KANSL1L: variants seen among roughly 807,000 people sequenced by gnomAD.
The protein encoded by KANSL1L is KAT8 regulatory NSL complex subunit 1-like protein.
KANSL1L carries 25 observed loss-of-function variants against 108.6 expected under a neutral mutation model. The observed-to-expected ratio is 0.23, with a 90% confidence interval of 0.17 to 0.32. The LOEUF (loss-of-function observed/expected upper bound fraction) is 0.32, where lower values mean the gene tolerates loss of function less well. Ranked by LOEUF, KANSL1L falls within the 10% of genes least tolerant of loss-of-function variation. The pLI, the probability that KANSL1L is intolerant of heterozygous loss-of-function variation, is 1.00. For synonymous variants in KANSL1L, 405 were observed against 395.1 expected (o/e 1.03, Z -0.30); for missense variants, 1,137 against 1,125.7 (o/e 1.01, Z -0.14).
At chr2:210,037,731 A>G (rs1463392762) in intron 8 of KANSL1L, among the ~76,000 whole-genome samples, 2 of 152,174 alleles carry the variant, frequency 1.3e-5, no homozygotes, top group African/African-American at 2.4e-5. Flanking sequence ...ATGTCTTTTC[A>G]TCTACATATA....
intron 5 of KANSL1L, chr2:210,096,845 A>G: frequency 1.2e-6 from 1 of 849,364 alleles, no homozygotes; most frequent in Non-Finnish European, 1.4e-6. Flanking sequence ...TGGATACATA[A>G]CTCAACATAA....
At chr2:210,042,890 CAT>C (rs2094181163) in intron 7 of KANSL1L, among the ~76,000 whole-genome samples, 2 of 152,198 alleles carry the variant, frequency 1.3e-5, no homozygotes, top group African/African-American at 4.8e-5. Flanking sequence ...AGGTTCAAAA[CAT>C]AGTGCTTTAC....
intron 6 of KANSL1L, among the ~76,000 whole-genome samples, chr2:210,047,344 G>A (rs1043693838): frequency 1.3e-5 from 2 of 152,158 alleles, no homozygotes; most frequent in African/African-American, 4.8e-5. Context: ...TCAGAAGGAG[G>A]AACCAGGTTG....
intron 5 of KANSL1L, among the ~76,000 whole-genome samples, chr2:210,093,929 T>G (rs146304837): frequency 6.6e-6 from 1 of 152,176 alleles, no homozygotes; most frequent in Admixed American, 6.5e-5. Flanking sequence ...TAGATAAATT[T>G]TGATATTATG....
At chr2:210,070,072 G>A (rs938962067) in intron 6 of KANSL1L, among the ~76,000 whole-genome samples, 7 of 150,386 alleles carry the variant, frequency 4.7e-5, no homozygotes, top group Admixed American at 2.0e-4. Context: ...CAAATGATCC[G>A]CCTTCCTCAG....
chr2:210,031,984 A>T (rs1270981432), intron 8 of KANSL1L, among the ~76,000 whole-genome samples: 1 of 152,184 alleles, frequency 6.6e-6, no homozygotes, highest in African/African-American at 2.4e-5. Context: ...TCATCTGTAA[A>T]ATAGGGATAA....
chr2:210,076,457 G>T (rs924703091), intron 5 of KANSL1L, among the ~76,000 whole-genome samples: 2 of 152,100 alleles, frequency 1.3e-5, no homozygotes, highest in African/African-American at 4.8e-5. Flanking sequence ...AAAGTGCTGG[G>T]ATTACAGGCA....
chr2:210,126,210 C>A (rs2095064172), intron 3 of KANSL1L, among the ~76,000 whole-genome samples: 1 of 152,066 alleles, frequency 6.6e-6, no homozygotes, highest in Non-Finnish European at 1.5e-5. Flanking sequence ...ATTCCACTTA[C>A]AACAGCATCA....
rs2093853542 is a variant in KANSL1L, at chr2:210,021,431, A to ATAAC, written c.*1514_*1517dup. 2.0e-5 allele frequency: 3 copies of ATAAC among 152,570 alleles called. No homozygotes were observed. Among genetic ancestry groups the ATAAC allele is most frequent in the African/African-American group, 4.8e-5 (2 of 41,448 alleles). 9.5% of individuals were successfully genotyped at this position (152,570 alleles called of 1,614,324 possible). ...AACAAGCAACACACGGCATATAGAA[A>ATAAC]TAACTTTAATTAAAAAACTTACATA... On this transcript the variant is annotated 3_prime_UTR_variant, in exon 15 of 15. Coordinates refer to ENST00000281772, the MANE Select transcript of KANSL1L (RefSeq NM_152519.4).
At chr2:210,163,956 A>C (rs1210246968) in intron 1 of KANSL1L, among the ~76,000 whole-genome samples, 1 of 152,130 alleles carries the variant, frequency 6.6e-6, no homozygotes, top group Admixed American at 6.5e-5. Context: ...TCAAGGAAGA[A>C]GGTTCATGAG....
chr2:210,117,340 T>C (rs192409018), intron 3 of KANSL1L, among the ~76,000 whole-genome samples: 61 of 152,214 alleles, frequency 4.0e-4, no homozygotes, highest in Non-Finnish European at 7.9e-4. Context: ...TTCAAATGGA[T>C]AATAACAGAG....
In KANSL1L at chr2:210,029,795, A is replaced by G. The variant is rs2093990035; in HGVS notation, c.2271+8T>C. 6 of 1,425,366 alleles carry G rather than the reference A, an allele frequency of 4.2e-6. No homozygotes were observed. In the South Asian group the frequency reaches 4.9e-5, roughly 12 times the overall value. 88.3% of individuals were successfully genotyped at this position (1,425,366 alleles called of 1,614,324 possible). A position where few individuals can be genotyped will look rare whatever the true frequency, so the allele number is the denominator to read the frequency against. On this transcript the variant is annotated splice_region_variant and intron_variant, in intron 10 of 14. Coordinates refer to ENST00000281772, the MANE Select transcript of KANSL1L (RefSeq NM_152519.4). ...CTATTTTAGAGTTCAACATATGGAA[A>G]AACCTACTCGTGATGAATTCTGGAT...
At chr2:210,025,540 G>GC (rs112653826) in intron 12 of KANSL1L, among the ~76,000 whole-genome samples, 1,658 of 152,282 alleles carry the variant, frequency 0.011, 26 homozygotes, top group African/African-American at 0.035. Context: ...GGGTGACAGG[G>GC]CGAGACTCTG....
At chr2:210,050,720 C>G (rs2094282577) in intron 6 of KANSL1L, among the ~76,000 whole-genome samples, 1 of 149,790 alleles carries the variant, frequency 6.7e-6, no homozygotes, top group Admixed American at 6.6e-5. Context: ...AAAAAATTAG[C>G]TGGGCACAGT....
chr2:210,049,999 G>A (rs1861073), intron 6 of KANSL1L, among the ~76,000 whole-genome samples: 152,129 of 152,326 alleles, frequency 1, 75,966 homozygotes, highest in Non-Finnish European at 1. Context: ...TGGCACAAAG[G>A]AGGTGGCTCA....
At chr2:210,090,279 G>C (rs561534297) in intron 5 of KANSL1L, among the ~76,000 whole-genome samples, 12 of 152,064 alleles carry the variant, frequency 7.9e-5, no homozygotes, top group Admixed American at 2.0e-4. Flanking sequence ...TATGCTTACT[G>C]TAAGACATAC....
At chr2:210,046,066 G>A (rs1472701952) in intron 6 of KANSL1L, among the ~76,000 whole-genome samples, 1 of 152,128 alleles carries the variant, frequency 6.6e-6, no homozygotes. Context: ...TGATAAGATG[G>A]CTGTAACCTC....
At chr2:210,095,985 C>CA (rs1388767865) in intron 5 of KANSL1L, among the ~76,000 whole-genome samples, 1 of 152,080 alleles carries the variant, frequency 6.6e-6, no homozygotes, top group Non-Finnish European at 1.5e-5. Flanking sequence ...CAGCACACTT[C>CA]AAAAAACGTG....
At chr2:210,028,224 C>T (rs1192550449) in intron 11 of KANSL1L, among the ~76,000 whole-genome samples, 2 of 152,080 alleles carry the variant, frequency 1.3e-5, no homozygotes, top group South Asian at 2.1e-4. Flanking sequence ...TTTAGCCTTC[C>T]ATTATCAACC....
Sources: allele counts gnomAD v4.1 joint callset (sites outside exome capture counted in the v4.1 genomes callset), GRCh38; gene constraint gnomAD v4.1.1; transcripts MANE v1.5; gene names NCBI Gene and HGNC (gene_info 2026-07-23, HGNC 2026-07-21).